EXT1: variants seen among roughly 807,000 people sequenced by gnomAD.
EXT1 encodes the protein exostosin glycosyltransferase 1.
In EXT1, 20 loss-of-function variants were observed where a neutral mutation model predicts 82.5. The observed-to-expected ratio is 0.24, with a 90% CI of 0.17 to 0.35. The LOEUF (loss-of-function observed/expected upper bound fraction) is 0.35. Ranked by LOEUF, EXT1 falls within the 10% of genes least tolerant of loss-of-function variation. The probability of loss-of-function intolerance (pLI) is 1.00; values close to 1 mark genes in which losing one functional copy is unlikely to be tolerated. For missense variants in EXT1, 757 were observed against 936.5 expected, an observed-to-expected ratio of 0.81 and a Z score of 2.50; for synonymous variants, 348 against 350.8, an observed-to-expected ratio of 0.99 and a Z score of 0.09.
At chr8:117,889,598 T>C (rs1417975578) in intron 1 of EXT1, among the ~76,000 whole-genome samples, 1 of 152,226 alleles carries the variant, frequency 6.6e-6, no homozygotes, top group African/African-American at 2.4e-5. Context: ...CACAATGATA[T>C]GCAAGTACCT....
rs59973422 is a variant in EXT1, at chr8:117,870,823, T to TCACACACACACACACACACACACA, written c.963-33646_963-33623dup. The stretch of plus-strand genomic sequence containing the variant: ...CAGTGGGTATACCATAAATGCTTTG[T>TCACACACACACACACACACACACA]CACACACACACACACACACACACAC... On this transcript the variant is annotated intron_variant, in intron 1 of 10. Transcript: ENST00000378204. 1.1e-3 allele frequency among the ~76,000 whole-genome samples: 157 copies of TCACACACACACACACACACACACA among 146,862 alleles called. 1 individual carries two copies. The highest frequency in any genetic ancestry group is 5.0e-3 in the East Asian group (25 of 5,008).
At chr8:118,067,056 T>C (rs1817001865) in intron 1 of EXT1, among the ~76,000 whole-genome samples, 1 of 152,238 alleles carries the variant, frequency 6.6e-6, no homozygotes, top group Admixed American at 6.5e-5. Context: ...CACAATTCTC[T>C]CCCTAAATGC....
At chr8:117,979,794 A>G (rs1258717662) in intron 1 of EXT1, among the ~76,000 whole-genome samples, 1 of 152,234 alleles carries the variant, frequency 6.6e-6, no homozygotes, top group Non-Finnish European at 1.5e-5. Flanking sequence ...GCCAGGGGAA[A>G]TATCCATACA....
chr8:117,866,912 C>T (rs768072115), intron 1 of EXT1, among the ~76,000 whole-genome samples: 22 of 151,896 alleles, frequency 1.4e-4, no homozygotes, highest in Non-Finnish European at 2.6e-4. Flanking sequence ...GAAAATGTCT[C>T]AAGGACATTC....
At chr8:118,002,095 A>T (rs997456019) in intron 1 of EXT1, among the ~76,000 whole-genome samples, 1 of 152,208 alleles carries the variant, frequency 6.6e-6, no homozygotes, top group Non-Finnish European at 1.5e-5. Flanking sequence ...GAAGATAGGA[A>T]AGTTTTAATG....
chr8:118,093,350 A>G (rs1197995248), intron 1 of EXT1, among the ~76,000 whole-genome samples: 1 of 151,904 alleles, frequency 6.6e-6, no homozygotes, highest in Non-Finnish European at 1.5e-5. Flanking sequence ...ATCATTGTGC[A>G]TAACATACAT....
At chr8:117,908,474 A>AC (rs953584442) in intron 1 of EXT1, among the ~76,000 whole-genome samples, 3 of 151,676 alleles carry the variant, frequency 2.0e-5, no homozygotes, top group African/African-American at 7.3e-5. Context: ...TACTAAAAAT[A>AC]CAAAAATTAG....
intron 1 of EXT1, among the ~76,000 whole-genome samples, chr8:117,858,330 T>C (rs1812600565): frequency 6.6e-6 from 1 of 152,120 alleles, no homozygotes; most frequent in South Asian, 2.1e-4. Context: ...AAGTCTCTCA[T>C]GAAAGGAAGA....
intron 1 of EXT1, among the ~76,000 whole-genome samples, chr8:117,995,784 C>T (rs1815527569): frequency 6.6e-6 from 1 of 152,186 alleles, no homozygotes; most frequent in Non-Finnish European, 1.5e-5. Flanking sequence ...ATATACCATA[C>T]AGCTTTGGAG....
At chr8:118,048,493 A>G (rs183663585) in intron 1 of EXT1, among the ~76,000 whole-genome samples, 1 of 152,300 alleles carries the variant, frequency 6.6e-6, no homozygotes, top group Non-Finnish European at 1.5e-5. Flanking sequence ...CCTTTCCAAA[A>G]AAGCTAAGTT....
intron 1 of EXT1, among the ~76,000 whole-genome samples, chr8:117,885,326 T>C (rs1813127457): frequency 6.6e-6 from 1 of 152,166 alleles, no homozygotes; most frequent in Non-Finnish European, 1.5e-5. Flanking sequence ...GGAACTTGCC[T>C]AGAGATTTAC....
rs187691632 is a variant in EXT1 at position 118,064,925 on chromosome 8, T to C, written c.962+45160A>G. On this transcript the variant is annotated intron_variant, in intron 1 of 10. Coordinates refer to ENST00000378204, the MANE Select transcript of EXT1 (RefSeq NM_000127.3). ...GGAGTTGCAGTGGGACAATCTCGGC[T>C]CACTGCAACCTCTGCCTCCCAGATT... Among the ~76,000 whole-genome samples, 26 of 149,824 alleles carry C rather than the reference T, an allele frequency of 1.7e-4. No individual in the cohort carries two copies. In the East Asian group the frequency reaches 5.2e-3, roughly 30 times the overall value.
At chr8:117,909,271 T>A (rs1423909339) in intron 1 of EXT1, among the ~76,000 whole-genome samples, 1 of 152,214 alleles carries the variant, frequency 6.6e-6, no homozygotes, top group Non-Finnish European at 1.5e-5. Context: ...ATTGGAAATT[T>A]AAAACTATGT....
chr8:117,967,125 A>G (rs923182288), intron 1 of EXT1, among the ~76,000 whole-genome samples: 16 of 152,244 alleles, frequency 1.1e-4, no homozygotes, highest in Non-Finnish European at 1.6e-4. Flanking sequence ...ATAACACACC[A>G]TAAAGGTCTT....
At chr8:118,093,117 A>C (rs1817550586) in intron 1 of EXT1, among the ~76,000 whole-genome samples, 1 of 151,998 alleles carries the variant, frequency 6.6e-6, no homozygotes, top group African/African-American at 2.4e-5. Flanking sequence ...GAAGAAAGAA[A>C]TTTTTATTTT....
At chr8:117,833,529 C>T (rs1012682314) in intron 3 of EXT1, among the ~76,000 whole-genome samples, 5 of 151,854 alleles carry the variant, frequency 3.3e-5, no homozygotes, top group South Asian at 4.2e-4. Flanking sequence ...GCAGAAGAAT[C>T]GCTTAAACCC....
chr8:117,971,152 G>A (rs1814931924), intron 1 of EXT1, among the ~76,000 whole-genome samples: 1 of 152,136 alleles, frequency 6.6e-6, no homozygotes, highest in Non-Finnish European at 1.5e-5. Context: ...TCCCGAAAGA[G>A]CAAAATGATC....
At chr8:117,953,569 T>C (rs563602639) in intron 1 of EXT1, among the ~76,000 whole-genome samples, 4 of 151,990 alleles carry the variant, frequency 2.6e-5, no homozygotes, top group South Asian at 4.2e-4. Flanking sequence ...TATGACTCAA[T>C]GTGCCAAACA....
At chr8:117,881,684 T>A (rs539729049) in intron 1 of EXT1, among the ~76,000 whole-genome samples, 11 of 152,312 alleles carry the variant, frequency 7.2e-5, no homozygotes, top group Non-Finnish European at 1.5e-5. Context: ...CAAACACAAC[T>A]AAGCCGGCTG....
Sources: allele counts gnomAD v4.1 joint callset (sites outside exome capture counted in the v4.1 genomes callset), GRCh38; gene constraint gnomAD v4.1.1; transcripts MANE v1.5; gene names NCBI Gene and HGNC (gene_info 2026-07-23, HGNC 2026-07-21).